Variants in SPECC1 observed in about 807,000 individuals in gnomAD.
SPECC1 encodes cytospin-B.
In SPECC1, 62 loss-of-function variants were observed where a neutral mutation model predicts 104.1. The ratio of observed to expected loss-of-function variants is 0.60; its 90% confidence interval spans 0.49 to 0.74. The LOEUF is 0.74. Ranked by LOEUF, SPECC1 falls within the 30% of genes least tolerant of loss-of-function variation. SPECC1 has a pLI of 0.00. For missense variants in SPECC1, 1,306 were observed against 1,310.5 expected (o/e 1.00, Z 0.05); for synonymous variants, 513 against 501.6 (o/e 1.02, Z -0.30).
chr17:20,217,156 C>T (rs750399386), intron 4 of SPECC1, among the ~76,000 whole-genome samples: 3 of 152,246 alleles, frequency 2.0e-5, no homozygotes, highest in African/African-American at 7.2e-5. Context: ...ATTTCTCCCT[C>T]TCTTCATATG....
At chr17:20,235,728 T>C (rs1002466271) in intron 7 of SPECC1, among the ~76,000 whole-genome samples, 1 of 152,236 alleles carries the variant, frequency 6.6e-6, no homozygotes, top group Non-Finnish European at 1.5e-5. Flanking sequence ...ATAACACCAA[T>C]AAACATCCAT....
Sources: gnomAD v4.1 joint callset for allele counts (sites outside exome capture counted in the v4.1 genomes callset) on GRCh38, gnomAD v4.1.1 for gene constraint, MANE v1.5 for transcripts, NCBI Gene and HGNC (gene_info 2026-07-23, HGNC 2026-07-21) for gene names.